The following VAV2 variants were observed in gnomAD, a reference collection of about 807,000 sequenced individuals.
VAV2 encodes guanine nucleotide exchange factor VAV2.
VAV2 carries 67 observed loss-of-function variants against 132.5 expected under a neutral mutation model. That is an observed-to-expected ratio of 0.51 (90% confidence interval 0.42 to 0.62). The LOEUF (loss-of-function observed/expected upper bound fraction) is 0.62. VAV2 is among the 20% of genes least tolerant of loss of function. The pLI is 0.00. For missense variants in VAV2, 938 were observed against 1,153.6 expected, an observed-to-expected ratio of 0.81 and a Z score of 2.71; for synonymous variants, 492 against 443.5, an observed-to-expected ratio of 1.11 and a Z score of -1.37.
At chr9:133,780,577 C>T in intron 20 of VAV2, 117 bp downstream of exon 20, 1 of 1,226,194 alleles carries the variant, frequency 8.2e-7, no homozygotes, top group Non-Finnish European at 1.0e-6. Flanking sequence ...GTGGCTCATC[C>T]AAGCCGGTGT....
At position 133,969,725 on chromosome 9, in the gene VAV2, C is replaced by T. The variant is rs956615995; in HGVS notation, c.204+22350G>A. Reference sequence around the variant, plus strand: ...GTCCAATCCACCCCAAGCCCACCCACTCCTCCTGCGCTCCAGCGGGGCCGT... The same window carrying T: ...GTCCAATCCACCCCAAGCCCACCCATTCCTCCTGCGCTCCAGCGGGGCCGT... On this transcript the variant is annotated intron_variant, in intron 1 of 29. Coordinates refer to ENST00000371850, the MANE Select transcript of VAV2 (RefSeq NM_001134398.2). This position sits in a 1 kb window ranked among gnomAD's most constrained non-coding sequence, Gnocchi z 5.1. Among the ~76,000 whole-genome samples, 2 of 152,158 alleles carry T rather than the reference C, an allele frequency of 1.3e-5. No homozygotes were observed. The highest frequency in any genetic ancestry group is 4.1e-4 in the South Asian group (2 of 4,834).
At chr9:133,940,095 C>T (rs1841082520) in intron 1 of VAV2, among the ~76,000 whole-genome samples, 1 of 152,174 alleles carries the variant, frequency 6.6e-6, no homozygotes, top group African/African-American at 2.4e-5. Flanking sequence ...ATCACTCGGG[C>T]CCCAGGTTGG....
At chr9:133,855,023 A>C (rs1025176650) in intron 3 of VAV2, among the ~76,000 whole-genome samples, 3 of 152,198 alleles carry the variant, frequency 2.0e-5, no homozygotes, top group Admixed American at 1.3e-4. Context: ...AGGCAACACC[A>C]GATGGGAAAA....
intron 3 of VAV2, 99 bp downstream of exon 3, chr9:133,861,275 G>C: frequency 7.6e-7 from 1 of 1,323,906 alleles, no homozygotes; most frequent in Non-Finnish European, 1.0e-6. Flanking sequence ...GACACAGGCA[G>C]AGGGCATCTG....
At chr9:133,809,852 G>C (rs62576511) in intron 6 of VAV2, among the ~76,000 whole-genome samples, 17,028 of 152,278 alleles carry the variant, frequency 0.11, 1,137 homozygotes, top group South Asian at 0.15. Context: ...GGTTCTGTTA[G>C]GCTGGGTAAA....
chr9:133,819,484 G>C (rs1176703768), intron 4 of VAV2, among the ~76,000 whole-genome samples: 2 of 151,854 alleles, frequency 1.3e-5, no homozygotes, highest in Non-Finnish European at 2.9e-5. Context: ...AAAAACACTA[G>C]AGGAGAAGCT....
At chr9:133,793,472 C>G (rs1313906958) in intron 12 of VAV2, among the ~76,000 whole-genome samples, 1 of 152,144 alleles carries the variant, frequency 6.6e-6, no homozygotes, top group Non-Finnish European at 1.5e-5. Context: ...AGGGGTGTTC[C>G]GTTTTCTTGT....
intron 3 of VAV2, among the ~76,000 whole-genome samples, chr9:133,844,864 G>A (rs1481796327): frequency 6.6e-6 from 1 of 152,238 alleles, no homozygotes; most frequent in East Asian, 1.9e-4. Context: ...AGGCCTGCAG[G>A]TCAGCACTCT....
intron 2 of VAV2, among the ~76,000 whole-genome samples, chr9:133,913,795 C>A (rs1041958005): frequency 2.6e-4 from 40 of 152,324 alleles, no homozygotes; most frequent in African/African-American, 9.4e-4. Flanking sequence ...GCTGTACGCT[C>A]GTGGGAGCTG....
At chr9:133,954,538 C>T (rs566750024) in intron 1 of VAV2, among the ~76,000 whole-genome samples, 1 of 152,390 alleles carries the variant, frequency 6.6e-6, no homozygotes, top group African/African-American at 2.4e-5. Flanking sequence ...CCGGAGAAGG[C>T]ATCGCAGGTC....
At chr9:133,835,694 G>A (rs1445163736) in intron 3 of VAV2, among the ~76,000 whole-genome samples, 1 of 152,190 alleles carries the variant, frequency 6.6e-6, no homozygotes, top group African/African-American at 2.4e-5. Flanking sequence ...TGCTCAGCCC[G>A]AGATCCAGCA....
intron 3 of VAV2, among the ~76,000 whole-genome samples, chr9:133,835,410 G>GGA (rs1588244050): frequency 1.3e-5 from 2 of 152,056 alleles, no homozygotes; most frequent in African/African-American, 4.8e-5. Flanking sequence ...CGGAAGGGAG[G>GGA]GAGGGGTGGG....
At chr9:133,954,860 A>G (rs1381580258) in intron 1 of VAV2, among the ~76,000 whole-genome samples, 1 of 152,174 alleles carries the variant, frequency 6.6e-6, no homozygotes, top group Non-Finnish European at 1.5e-5. Flanking sequence ...AGCTAAGCAA[A>G]AATACATCTG....
At chr9:133,829,035 C>T (rs373625380) in intron 4 of VAV2, among the ~76,000 whole-genome samples, 16 of 152,350 alleles carry the variant, frequency 1.1e-4, no homozygotes, top group African/African-American at 3.4e-4. Flanking sequence ...GTGCATGTCA[C>T]TCTTCTGTGT....
chr9:133,960,065 C>CGT (rs1841917212), intron 1 of VAV2, among the ~76,000 whole-genome samples: 1 of 152,196 alleles, frequency 6.6e-6, no homozygotes, highest in Non-Finnish European at 1.5e-5. Context: ...GCCAGGCCCT[C>CGT]GTCTCTGAGG....
chr9:133,937,961 C>A (rs535736029), intron 2 of VAV2, among the ~76,000 whole-genome samples: 3 of 152,248 alleles, frequency 2.0e-5, no homozygotes, highest in East Asian at 3.8e-4. Flanking sequence ...GGAAGGGAAG[C>A]GCCAAGCCTG....
At chr9:133,775,173 T>G in intron 24 of VAV2, 122 bp from the exon 25 acceptor site, 1 of 792,674 alleles carries the variant, frequency 1.3e-6, no homozygotes, top group South Asian at 1.8e-5. Flanking sequence ...AGAGCTCATC[T>G]CCTAATGAAC....
At chr9:133,915,755 GCA>G (rs1243422659) in intron 2 of VAV2, among the ~76,000 whole-genome samples, 1 of 137,068 alleles carries the variant, frequency 7.3e-6, no homozygotes, top group Non-Finnish European at 1.5e-5. Flanking sequence ...CACACACGAT[GCA>G]CACATACACA....
At chr9:133,900,672 T>C (rs1409843936) in intron 2 of VAV2, among the ~76,000 whole-genome samples, 1 of 152,192 alleles carries the variant, frequency 6.6e-6, no homozygotes, top group Non-Finnish European at 1.5e-5. Flanking sequence ...ATGAGCAATT[T>C]CCCCTATCTT....
Sources: gnomAD v4.1 joint callset for allele counts (sites outside exome capture counted in the v4.1 genomes callset) on GRCh38, gnomAD v4.1.1 for gene constraint, Gnocchi (gnomAD v3.1) non-coding constraint, MANE v1.5 for transcripts, NCBI Gene and HGNC (gene_info 2026-07-23, HGNC 2026-07-21) for gene names.